The following PDSS1 variants were observed in gnomAD, a reference collection of about 807,000 sequenced individuals.
The protein encoded by PDSS1 is all trans-polyprenyl-diphosphate synthase PDSS1.
In PDSS1, 43 loss-of-function variants were observed where a neutral mutation model predicts 57.5. The ratio of observed to expected loss-of-function variants is 0.75; its 90% confidence interval spans 0.59 to 0.96. PDSS1 has a LOEUF of 0.96. Among genes scored for constraint, PDSS1 ranks in the 50% least tolerant of loss-of-function variants. The pLI, the probability that PDSS1 is intolerant of heterozygous loss-of-function variation, is 0.00. For missense variants in PDSS1, 438 were observed against 527.8 expected (o/e 0.83, Z 1.67); for synonymous variants, 175 against 191.3 (o/e 0.91, Z 0.70).
At chr10:26,719,248 A>G (rs1037629630) in intron 5 of PDSS1, among the ~76,000 whole-genome samples, 4 of 152,228 alleles carry the variant, frequency 2.6e-5, no homozygotes, top group African/African-American at 7.2e-5. Context: ...AAAAATTGCC[A>G]TAGATGATGG....
intron 10 of PDSS1, 75 bp from the exon 11 acceptor site, chr10:26,742,422 A>G: frequency 1.9e-6 from 2 of 1,038,682 alleles, no homozygotes; most frequent in Non-Finnish European, 3.0e-6. Context: ...TATTGTTACA[A>G]ACTAGTGTTA....
chr10:26,720,141 T>C, intron 5 of PDSS1, 77 bp from the exon 6 acceptor site: 4 of 1,603,170 alleles, frequency 2.5e-6, no homozygotes, highest in Non-Finnish European at 3.4e-6. Flanking sequence ...CTAGATCCGA[T>C]GTCCAGTTTT....
At chr10:26,701,971 G>C (rs1835066371) in intron 1 of PDSS1, 191 bp from the exon 2 acceptor site, 1 of 408,684 alleles carries the variant, frequency 2.4e-6, no homozygotes, top group Admixed American at 2.7e-5. Context: ...GTGTGACCTA[G>C]ATGTGAGACA....
intron 8 of PDSS1, chr10:26,734,737 C>T (rs1005629223): frequency 3.7e-5 from 17 of 455,950 alleles, no homozygotes; most frequent in African/African-American, 1.0e-4. Flanking sequence ...AAATTCCCAA[C>T]GATGATGAAA....
At chr10:26,700,419 C>G (rs1373454088) in intron 1 of PDSS1, among the ~76,000 whole-genome samples, 1 of 152,128 alleles carries the variant, frequency 6.6e-6, no homozygotes, top group Non-Finnish European at 1.5e-5. Flanking sequence ...GCCTGGGCCA[C>G]TTAGTGAGAC....
chr10:26,745,654 C>A (rs1273930702), intron 11 of PDSS1, among the ~76,000 whole-genome samples: 2 of 152,144 alleles, frequency 1.3e-5, no homozygotes, highest in Non-Finnish European at 2.9e-5. Context: ...CGAGACCAGC[C>A]TGGCCAACAT....
intron 6 of PDSS1, among the ~76,000 whole-genome samples, chr10:26,721,968 C>A (rs370974242): frequency 1.5e-4 from 23 of 152,312 alleles, no homozygotes; most frequent in African/African-American, 5.3e-4. Flanking sequence ...CAAAACCCCC[C>A]ACACACAGTG....
intron 2 of PDSS1, 112 bp from the exon 3 acceptor site, chr10:26,704,565 C>T: frequency 1.5e-6 from 1 of 678,206 alleles, no homozygotes; most frequent in East Asian, 2.6e-5. Flanking sequence ...TTGCAATCTA[C>T]CTGTAAATGG....
In PDSS1 at chr10:26,705,354, G is replaced by A; in HGVS notation, c.296G>A (p.Gly99Asp). The change falls in exon 4 of 12, where the codon GGT (glycine) becomes GAT (aspartate). Residue 99 changes from glycine (G) to aspartate (D), a missense_variant. Transcript: ENST00000376215. ...AAATACACCGATCCTTTCAAACTCG[G>A]TTGGAGAGACTTGAAAGGTCTGTAT... ...GEKYTDPFKL[G>D]WRDLKGLYED... The A allele has an allele frequency of 6.2e-7, 1 of 1,611,132 alleles. No individual in the cohort carries two copies. Among genetic ancestry groups the A allele is most frequent in the Non-Finnish European group, 8.5e-7 (1 of 1,177,796 alleles).
chr10:26,702,898 A>G lies in PDSS1; in HGVS notation c.162+704A>G, dbSNP rs180702269. ...GAGAGTGTGTGAGGGAAAGGTAAGA[A>G]ACAAAATCGGAATTAGAAAATGACT... On this transcript the variant is annotated intron_variant, in intron 2 of 11. Coordinates refer to ENST00000376215, the MANE Select transcript of PDSS1 (RefSeq NM_014317.5). 2.5e-3 allele frequency among the ~76,000 whole-genome samples: 383 copies of G among 152,260 alleles called. 6 individuals carry two copies. The highest frequency in any genetic ancestry group is 8.9e-3 in the African/African-American group (370 of 41,544).
At chr10:26,705,190 T>C (rs1307851351) in intron 3 of PDSS1, 96 bp from the exon 4 acceptor site, 1 of 730,086 alleles carries the variant, frequency 1.4e-6, no homozygotes, top group East Asian at 2.7e-5. Context: ...TTCTAGCAAA[T>C]ATTTGGGCTG....
chr10:26,742,436 C>G, intron 10 of PDSS1, 61 bp from the exon 11 acceptor site: 1 of 1,207,060 alleles, frequency 8.3e-7, no homozygotes. Context: ...AGTGTTAGAA[C>G]ACTTGTTTCT....
intron 1 of PDSS1, among the ~76,000 whole-genome samples, chr10:26,701,544 C>T (rs553382422): frequency 6.6e-6 from 1 of 152,308 alleles, no homozygotes; most frequent in East Asian, 1.9e-4. Flanking sequence ...GGTATAAGCC[C>T]CAAGCCTTGG....
At chr10:26,741,497 A>G (rs899592421) in intron 10 of PDSS1, among the ~76,000 whole-genome samples, 9 of 149,642 alleles carry the variant, frequency 6.0e-5, no homozygotes, top group Non-Finnish European at 8.9e-5. Context: ...GGAGGGGGGG[A>G]AAAACAACAA....
chr10:26,719,358 G>A (rs1250142768), intron 5 of PDSS1, among the ~76,000 whole-genome samples: 3 of 152,210 alleles, frequency 2.0e-5, no homozygotes, highest in African/African-American at 7.2e-5. Flanking sequence ...TATAGTTTGT[G>A]TTAAACTTGG....
At chr10:26,720,429 C>A in intron 6 of PDSS1, 70 bp downstream of exon 6, 2 of 1,039,116 alleles carry the variant, frequency 1.9e-6, no homozygotes, top group African/African-American at 1.6e-5. Context: ...ATTTGTTTCT[C>A]AGATTTGTCT....
chr10:26,702,024 T>TG (rs1835067515), intron 1 of PDSS1, 138 bp from the exon 2 acceptor site: 1 of 412,870 alleles, frequency 2.4e-6, no homozygotes, highest in East Asian at 7.3e-5. Flanking sequence ...ATGACTGCCC[T>TG]GCTGGGTTTG....
intron 10 of PDSS1, among the ~76,000 whole-genome samples, chr10:26,741,380 A>G (rs982364371): frequency 6.6e-6 from 1 of 152,114 alleles, no homozygotes; most frequent in African/African-American, 2.4e-5. Flanking sequence ...GCTACTCAGG[A>G]GGCTGAGGCA....
At chr10:26,719,453 T>C (rs775771732) in intron 5 of PDSS1, among the ~76,000 whole-genome samples, 21 of 152,224 alleles carry the variant, frequency 1.4e-4, no homozygotes, top group Non-Finnish European at 2.8e-4. Context: ...GTTACTGAGG[T>C]TGTCATACTA....
Sources: allele counts gnomAD v4.1 joint callset (sites outside exome capture counted in the v4.1 genomes callset), GRCh38; gene constraint gnomAD v4.1.1; transcripts MANE v1.5; gene names NCBI Gene and HGNC (gene_info 2026-07-23, HGNC 2026-07-21).